Variants in PLAU observed in about 807,000 individuals in gnomAD.
The protein encoded by PLAU is urokinase-type plasminogen activator.
In PLAU, 32 loss-of-function variants were observed where a neutral mutation model predicts 48.9. That is an observed-to-expected ratio of 0.65 (90% confidence interval 0.49 to 0.88). The LOEUF (loss-of-function observed/expected upper bound fraction) is 0.88. Ranked by LOEUF, PLAU falls within the 40% of genes least tolerant of loss-of-function variation. The pLI, the probability that PLAU is intolerant of heterozygous loss-of-function variation, is 0.00. For missense variants in PLAU, 455 were observed against 545.2 expected, an observed-to-expected ratio of 0.83 and a Z score of 1.65; for synonymous variants, 199 against 205.7, an observed-to-expected ratio of 0.97 and a Z score of 0.28.
chr10:73,914,790 C>A lies in PLAU; in HGVS notation c.844C>A (p.Arg282Ser), dbSNP rs776879689. The change falls in exon 9 of 11, where the codon CGT (arginine) becomes AGT (serine). Residue 282 changes from arginine to serine, a missense_variant. Coordinates refer to ENST00000372764, the MANE Select transcript of PLAU (RefSeq NM_002658.6). ...HHNDIALLKIRSKEGRCAQPS... is the reference protein window; with the variant it reads ...HHNDIALLKISSKEGRCAQPS... Reference sequence around the variant, plus strand: ...TCCTCCCCCAGCCTTGCTGAAGATCCGTTCCAAGGAGGGCAGGTGTGCGCA... The same window carrying A: ...TCCTCCCCCAGCCTTGCTGAAGATCAGTTCCAAGGAGGGCAGGTGTGCGCA... The A allele has an allele frequency of 6.2e-7, 1 of 1,613,576 alleles. No homozygotes were observed. Among genetic ancestry groups the A allele is most frequent in the Admixed American group, 1.7e-5 (1 of 59,906 alleles).
At chr10:73,911,894 G>A (rs2096125123) in intron 2 of PLAU, 147 bp from the exon 3 acceptor site, 1 of 1,568,698 alleles carries the variant, frequency 6.4e-7, no homozygotes, top group Non-Finnish European at 8.6e-7. Context: ...GGAAACCCAT[G>A]GTCTTCCATT....
In PLAU at chr10:73,916,491, G is replaced by A. The variant is rs200165551; in HGVS notation, c.1222G>A (p.Val408Ile). 2.9e-4 allele frequency: 462 copies of A among 1,613,886 alleles called. No homozygotes were observed. Among genetic ancestry groups the A allele is most frequent in the Admixed American group, 4.7e-4 (28 of 59,996 alleles). ...RGCALKDKPG[V>I]YTRVSHFLPW... ...ATGTGCCCTGAAGGACAAGCCAGGCGTCTACACGAGAGTCTCACACTTCTT... is the reference window on the plus strand; with the variant it reads ...ATGTGCCCTGAAGGACAAGCCAGGCATCTACACGAGAGTCTCACACTTCTT... Residue 408 changes from valine (V) to isoleucine (I), a missense_variant, in exon 11 of 11, where the codon GTC becomes ATC. By Grantham distance (29) the Val-to-Ile change is conservative (BLOSUM62 3). Transcript: ENST00000372764.
chr10:73,912,028 G>C lies in PLAU; in HGVS notation c.58-13G>C, dbSNP rs369662596. 1.2e-6 allele frequency: 2 copies of C among 1,613,352 alleles called. No individual in the cohort carries two copies. Among genetic ancestry groups the C allele is most frequent in the Non-Finnish European group, 1.7e-6 (2 of 1,179,558 alleles). The stretch of plus-strand genomic sequence containing the variant: ...GGGACCTTTGATGAAGCCTCCTCCC[G>C]AATCTCTTCCAGGGCAGCAATGAAC... On this transcript the variant is annotated splice_polypyrimidine_tract_variant and intron_variant, in intron 2 of 10. Coordinates refer to ENST00000372764, the MANE Select transcript of PLAU (RefSeq NM_002658.6).
chr10:73,911,615 G>C lies in PLAU; in HGVS notation c.57+3G>C, dbSNP rs781444492. 6.2e-7 allele frequency: 1 copy of C among 1,613,894 alleles called. No homozygotes were observed. Among genetic ancestry groups the C allele is most frequent in the Admixed American group, 1.7e-5 (1 of 60,004 alleles). ...TCCTGGTCGTGAGCGACTCCAAAGT[G>C]AGTGCGCTCTTGCTTTGACTGATGC... On this transcript the variant is annotated splice_donor_region_variant and intron_variant, in intron 2 of 10. Coordinates refer to ENST00000372764, the MANE Select transcript of PLAU (RefSeq NM_002658.6).
upstream of PLAU, chr10:73,911,014 G>T: frequency 6.5e-6 from 1 of 154,538 alleles, no homozygotes; most frequent in Non-Finnish European, 1.4e-5. Context: ...TGAGCGTTGC[G>T]GAAGCACGCG....
rs750595191 is a variant in PLAU at position 73,915,312 on chromosome 10, G to T, written c.1032G>T (p.Glu344Asp). 6.2e-7 allele frequency: 1 copy of T among 1,613,930 alleles called. No homozygotes were observed. ...MTVVKLISHR[E>D]CQQPHYYGSE... ...TTGTGAAGCTGATTTCCCACCGGGA[G>T]TGTCAGCAGCCCCACTACTACGGCT... Residue 344 changes from glutamate to aspartate, a missense_variant, in exon 10 of 11, where the codon GAG becomes GAT. Physicochemically the swap from Glu to Asp is conservative, Grantham distance 45. Coordinates refer to ENST00000372764, the MANE Select transcript of PLAU (RefSeq NM_002658.6).
In PLAU at chr10:73,916,423, A is replaced by G. The variant is rs1482191196; in HGVS notation, c.1154A>G (p.Gln385Arg). ...DSGGPLVCSL[Q>R]GRMTLTGIVS... is the part of the protein sequence containing the mutation. ...GGGGGACCCCTCGTCTGTTCCCTCC[A>G]AGGCCGCATGACTTTGACTGGAATT... The change falls in exon 11 of 11, where the codon CAA becomes CGA. Residue 385 changes from glutamine (Q) to arginine (R), a missense_variant. By Grantham distance (43) the Gln-to-Arg change is conservative. Coordinates refer to ENST00000372764, the MANE Select transcript of PLAU (RefSeq NM_002658.6). The G allele has an allele frequency of 1.2e-6, 2 of 1,613,652 alleles. No individual in the cohort carries two copies. The highest frequency in any genetic ancestry group is 3.3e-5 in the Admixed American group (2 of 59,954).
At chr10:73,911,782 G>A (rs888862810) in intron 2 of PLAU, 170 bp downstream of exon 2, 10 of 1,551,762 alleles carry the variant, frequency 6.4e-6, no homozygotes, top group Middle Eastern at 1.7e-4. Context: ...AACCACGGGG[G>A]TTGGCACTGG....
At chr10:73,910,985 C>A (rs1253328156), upstream of PLAU, 1 of 153,710 alleles carries the variant, frequency 6.5e-6, no homozygotes, top group East Asian at 1.9e-4. Flanking sequence ...CTGGAGATCG[C>A]GCTTCCCCCA....
At chr10:73,913,142 C>T in intron 5 of PLAU, 44 bp downstream of exon 5, 3 of 1,598,160 alleles carry the variant, frequency 1.9e-6, no homozygotes, top group African/African-American at 2.7e-5. Flanking sequence ...CCTACAGCTT[C>T]CCAGAAACCT....
At chr10:73,914,255 G>C (rs546745404) in intron 8 of PLAU, 127 bp downstream of exon 8, 5 of 835,036 alleles carry the variant, frequency 6.0e-6, no homozygotes, top group Non-Finnish European at 9.4e-6. Flanking sequence ...TTGAAGCCTC[G>C]ATATACATGA....
upstream of PLAU, among the ~76,000 whole-genome samples, chr10:73,909,533 T>G (rs2096120540): frequency 6.6e-6 from 1 of 152,148 alleles, no homozygotes; most frequent in Non-Finnish European, 1.5e-5. Flanking sequence ...AAAGGCTAAC[T>G]TGTACTTTCC....
rs199520267 is a variant in PLAU, at chr10:73,915,347, C to A, written c.1067C>A (p.Thr356Asn). ...CCCCACTACTACGGCTCTGAAGTCA[C>A]CACCAAAATGCTGTGTGCTGCTGAC... ...QQPHYYGSEV[T>N]TKMLCAADPQ... Residue 356 changes from threonine to asparagine, a missense_variant, in exon 10 of 11, where the codon ACC (threonine) becomes AAC (asparagine). Thr to Asn is a moderately conservative substitution (Grantham distance 65). Coordinates refer to ENST00000372764, the MANE Select transcript of PLAU (RefSeq NM_002658.6). 1 of 1,613,848 alleles carries A rather than the reference C, an allele frequency of 6.2e-7. No individual in the cohort carries two copies. Among genetic ancestry groups the A allele is most frequent in the African/African-American group, 1.3e-5 (1 of 74,994 alleles).
In PLAU at chr10:73,917,381, C is replaced by T. The variant is rs887523207; in HGVS notation, c.*816C>T. 7 of 147,834 alleles carry T rather than the reference C, an allele frequency of 4.7e-5. No individual in the cohort carries two copies. Among genetic ancestry groups the T allele is most frequent in the Admixed American group, 4.1e-4 (6 of 14,542 alleles). The allele number at this position is 147,834 out of a possible 1,614,324, so 9.2% of individuals were successfully genotyped here. On this transcript the variant is annotated 3_prime_UTR_variant, in exon 11 of 11. Transcript: ENST00000372764. ...TCCTTTTAGCCTAGTTCATCCAATCCTCACTGGGTGGGGTGAGGACCACTC... is the reference window on the plus strand; with the variant it reads ...TCCTTTTAGCCTAGTTCATCCAATCTTCACTGGGTGGGGTGAGGACCACTC...
upstream of PLAU, chr10:73,910,619 C>T (rs1396403824): frequency 3.3e-5 from 5 of 152,246 alleles, no homozygotes; most frequent in African/African-American, 7.2e-5. Context: ...AACAGACGCA[C>T]AGAGGGAGCC....
In PLAU at chr10:73,915,417, C is replaced by T; in HGVS notation, c.1119+18C>T. ...CCTGCCAGGTGAGTGTTCCAAGCAT[C>T]TCTCTCCACCTCTTCCATATCTCCC... On this transcript the variant is annotated intron_variant, in intron 10 of 10. Coordinates refer to ENST00000372764, the MANE Select transcript of PLAU (RefSeq NM_002658.6). 1 of 1,581,728 alleles carries T rather than the reference C, an allele frequency of 6.3e-7. No individual in the cohort carries two copies. The highest frequency in any genetic ancestry group is 1.2e-5 in the South Asian group (1 of 86,574).
Position 73,912,216 on chromosome 10 carries a change from G to C in PLAU, c.87G>C (p.Ser29=). The C allele has an allele frequency of 6.2e-7, 1 of 1,614,118 alleles. No homozygotes were observed. Among genetic ancestry groups the C allele is most frequent in the Non-Finnish European group, 8.5e-7 (1 of 1,180,044 alleles). The change falls in exon 4 of 11, where the codon TCG becomes TCC. Residue 29 remains serine, a splice_region_variant and synonymous_variant. Coordinates refer to ENST00000372764, the MANE Select transcript of PLAU (RefSeq NM_002658.6). ...KGSNELHQVP[S]NCDCLNGGTC... ...TTACCCCACCTTTGTTCTCTCCAGC[G>C]AACTGTGACTGTCTAAATGGAGGAA...
chr10:73,911,567 GC>G lies in PLAU; in HGVS notation c.13del (p.Leu5TrpfsTer11). 2 of 1,613,118 alleles carry G rather than the reference GC, an allele frequency of 1.2e-6. No homozygotes were observed. Among genetic ancestry groups the G allele is most frequent in the Non-Finnish European group, 1.7e-6 (2 of 1,180,002 alleles). MRAL[L>X]ARLLLCVLVV... ...CCGACCTCGCCACCATGAGAGCCCT[GC>G]TGGCGCGCCTGCTTCTCTGCGTCCT... On this transcript the variant is annotated frameshift_variant, in exon 2 of 11. Transcript: ENST00000372764. LOFTEE classifies it high-confidence loss of function.
At chr10:73,915,012 G>C in intron 9 of PLAU, 96 bp downstream of exon 9, 1 of 1,379,258 alleles carries the variant, frequency 7.3e-7, no homozygotes, top group Middle Eastern at 1.8e-4. Flanking sequence ...AGAGTTAGAG[G>C]TGGGAGCACT....
Sources: allele counts gnomAD v4.1 joint callset (sites outside exome capture counted in the v4.1 genomes callset), GRCh38; gene constraint gnomAD v4.1.1; transcripts MANE v1.5; gene names NCBI Gene and HGNC (gene_info 2026-07-23, HGNC 2026-07-21).